NEDD4L: variants seen among roughly 807,000 people sequenced by gnomAD.
The protein encoded by NEDD4L is NEDD4 like E3 ubiquitin protein ligase.
NEDD4L carries 54 observed loss-of-function variants against 148.9 expected under a neutral mutation model. The observed-to-expected ratio is 0.36, with a 90% CI of 0.29 to 0.45. NEDD4L has a LOEUF of 0.45. NEDD4L is among the 20% of genes least tolerant of loss of function. NEDD4L has a pLI of 1.00. For synonymous variants in NEDD4L, 433 were observed against 440.7 expected (o/e 0.98, Z 0.22); for missense variants, 856 against 1,233.8 (o/e 0.69, Z 4.59).
intron 1 of NEDD4L, among the ~76,000 whole-genome samples, chr18:58,099,143 C>G (rs1252880515): frequency 6.6e-6 from 1 of 152,028 alleles, no homozygotes; most frequent in Non-Finnish European, 1.5e-5. Flanking sequence ...CTGTTTGTGT[C>G]CAGATTCTTC....
In NEDD4L at chr18:58,132,082, C is replaced by A. The variant is rs1242401849; in HGVS notation, c.49-33706C>A. ...AAGCAGGAATTAAGCTGAAGTAACTCAGAAAGTGCCAGCGTTAACCCCAGG... is the reference window on the plus strand; with the variant it reads ...AAGCAGGAATTAAGCTGAAGTAACTAAGAAAGTGCCAGCGTTAACCCCAGG... On this transcript the variant is annotated intron_variant, in intron 1 of 30. Transcript: ENST00000400345. 2.0e-5 allele frequency among the ~76,000 whole-genome samples: 3 copies of A among 152,180 alleles called. 1 individual carries two copies. The highest frequency in any genetic ancestry group is 4.4e-5 in the Non-Finnish European group (3 of 68,044).
chr18:58,385,652 T>A (rs1272613506), intron 26 of NEDD4L, 66 bp downstream of exon 26: 2 of 1,315,110 alleles, frequency 1.5e-6, no homozygotes, highest in Non-Finnish European at 2.2e-6. Context: ...GGGATCGCGC[T>A]TCTCCTTTAG....
chr18:58,264,900 C>T (rs1301779702), intron 5 of NEDD4L, among the ~76,000 whole-genome samples: 1 of 152,034 alleles, frequency 6.6e-6, no homozygotes, highest in Admixed American at 6.6e-5. Context: ...AATCACTGCA[C>T]GTGAAGCCCT....
intron 16 of NEDD4L, among the ~76,000 whole-genome samples, chr18:58,344,065 GCTGGTTGAGTT>G (rs1405245156): frequency 3.9e-5 from 6 of 152,340 alleles, no homozygotes; most frequent in South Asian, 2.1e-4. Context: ...TTATGGGAAT[GCTGGTTGAGTT>G]TTGGTGATTG....
chr18:58,373,178 G>A lies in NEDD4L; in HGVS notation c.2261G>A (p.Ser754Asn). 1 of 1,543,322 alleles carries A rather than the reference G, an allele frequency of 6.5e-7. No homozygotes were observed. Among genetic ancestry groups the A allele is most frequent in the Non-Finnish European group, 8.8e-7 (1 of 1,133,498 alleles). Residue 754 changes from serine to asparagine, a missense_variant, in exon 24 of 31, where the codon AGT becomes AAT. Around this residue, in one of 4 missense-constraint regions of NEDD4L, gnomAD observed 286 missense variants for 531.8 expected, o/e 0.54. Coordinates refer to ENST00000400345, the MANE Select transcript of NEDD4L (RefSeq NM_001144967.3). ...CACTCCTGTGTCATTCTGTAGGATA[G>A]TGAATATTACAACTCTTTGAAATGG... ...ITLNDMESVD[S>N]EYYNSLKWIL...
chr18:58,281,682 C>CT (rs151200470), intron 5 of NEDD4L, among the ~76,000 whole-genome samples: 11 of 151,190 alleles, frequency 7.3e-5, no homozygotes, highest in Non-Finnish European at 1.2e-4. Context: ...AAAAAACTGC[C>CT]TTTTTTTTTC....
chr18:58,279,623 G>A (rs969019000), intron 5 of NEDD4L, among the ~76,000 whole-genome samples: 1 of 152,206 alleles, frequency 6.6e-6, no homozygotes, highest in African/African-American at 2.4e-5. Flanking sequence ...AGGATTTTTT[G>A]TTGGTGTGAG....
intron 1 of NEDD4L, among the ~76,000 whole-genome samples, chr18:58,086,190 G>A (rs192493023): frequency 3.9e-5 from 6 of 152,168 alleles, no homozygotes; most frequent in Non-Finnish European, 7.3e-5. Context: ...AGAATATAGA[G>A]CCTTGATTGG....
intron 1 of NEDD4L, among the ~76,000 whole-genome samples, chr18:58,103,583 G>A (rs7236132): frequency 0.037 from 5,605 of 152,236 alleles, 334 homozygotes; most frequent in African/African-American, 0.13. Flanking sequence ...TGCACAGACA[G>A]CAGAGTGTGT....
At chr18:58,215,934 T>G (rs2043117128) in intron 2 of NEDD4L, among the ~76,000 whole-genome samples, 2 of 152,198 alleles carry the variant, frequency 1.3e-5, no homozygotes, top group South Asian at 4.1e-4. Flanking sequence ...TTCCAGTTTT[T>G]CATTTAAGAG....
intron 1 of NEDD4L, among the ~76,000 whole-genome samples, chr18:58,085,393 G>A (rs2083707263): frequency 6.6e-6 from 1 of 152,166 alleles, no homozygotes; most frequent in Non-Finnish European, 1.5e-5. Flanking sequence ...CATTCTGGGG[G>A]CTGAACCGAG....
intron 2 of NEDD4L, among the ~76,000 whole-genome samples, chr18:58,226,694 C>G (rs141779019): frequency 3.9e-5 from 6 of 152,304 alleles, no homozygotes; most frequent in African/African-American, 1.2e-4. Flanking sequence ...TGCTAATAGC[C>G]TCGGCTCACC....
chr18:58,289,402 T>C (rs969281339), intron 5 of NEDD4L, among the ~76,000 whole-genome samples: 1 of 152,234 alleles, frequency 6.6e-6, no homozygotes, highest in African/African-American at 2.4e-5. Flanking sequence ...AGACATGGCA[T>C]GTCTGATTTG....
intron 5 of NEDD4L, among the ~76,000 whole-genome samples, chr18:58,306,642 T>G (rs2057097823): frequency 6.6e-6 from 1 of 151,848 alleles, no homozygotes; most frequent in African/African-American, 2.4e-5. Flanking sequence ...TTTTTTTTTT[T>G]GAAATGGAAT....
intron 19 of NEDD4L, among the ~76,000 whole-genome samples, chr18:58,361,114 C>G (rs1418826051): frequency 6.6e-6 from 1 of 152,116 alleles, no homozygotes; most frequent in African/African-American, 2.4e-5. Context: ...GACCAAAGGC[C>G]AAGTTCTGTG....
chr18:58,170,039 C>G (rs895519546), intron 2 of NEDD4L, among the ~76,000 whole-genome samples: 14 of 152,106 alleles, frequency 9.2e-5, no homozygotes. Context: ...CACATAGCAC[C>G]TAACAGGTCC....
chr18:58,342,873 T>C lies in NEDD4L; in HGVS notation c.1378-33T>C, dbSNP rs766922407. On this transcript the variant is annotated intron_variant, in intron 15 of 30. Transcript: ENST00000400345. ...TTTGGCACATTGGAATCGCACATGC[T>C]AAAGAGTTCTAATCCTCATTGTTAT... is the stretch of plus-strand genomic sequence containing the variant. The C allele has an allele frequency of 5.9e-6, 9 of 1,521,658 alleles. No individual in the cohort carries two copies. In the South Asian group the frequency reaches 1.1e-4, roughly 18 times the overall value. 94.3% of individuals were successfully genotyped at this position (1,521,658 alleles called of 1,614,324 possible).
At position 58,315,469 on chromosome 18, in the gene NEDD4L, T is replaced by TA. The variant is rs368631949; in HGVS notation, c.298-503dup. ...CTCTGAAGCAGTGCACTTACTAGATTAAAAAAAAAACAATGTACTTACTGG... is the reference window on the plus strand; with the variant it reads ...CTCTGAAGCAGTGCACTTACTAGATTAAAAAAAAAAACAATGTACTTACTGG... On this transcript the variant is annotated intron_variant, in intron 5 of 30. Transcript: ENST00000400345. 3.9e-4 allele frequency among the ~76,000 whole-genome samples: 57 copies of TA among 147,488 alleles called. 1 individual carries two copies. Among genetic ancestry groups the TA allele is most frequent in the South Asian group, 8.6e-4 (4 of 4,664 alleles).
chr18:58,085,164 G>T (rs1451588871), intron 1 of NEDD4L, among the ~76,000 whole-genome samples: 3 of 152,172 alleles, frequency 2.0e-5, no homozygotes, highest in Admixed American at 1.3e-4. Flanking sequence ...GAAGGTTAAG[G>T]CTCCAATGTG....
Sources: gnomAD v4.1 joint callset for allele counts (sites outside exome capture counted in the v4.1 genomes callset) on GRCh38, gnomAD v4.1.1 for gene constraint, gnomAD v4.1.1 regional missense constraint, MANE v1.5 for transcripts, NCBI Gene and HGNC (gene_info 2026-07-23, HGNC 2026-07-21) for gene names.